CACNA1E: variants seen among roughly 807,000 people sequenced by gnomAD.
CACNA1E encodes the protein calcium voltage-gated channel subunit alpha1 E.
CACNA1E carries 40 observed loss-of-function variants against 259.2 expected under a neutral mutation model. The observed-to-expected ratio is 0.15, with a 90% confidence interval of 0.12 to 0.20. The LOEUF (loss-of-function observed/expected upper bound fraction) is 0.20, where lower values mean the gene tolerates loss of function less well. Among genes scored for constraint, CACNA1E ranks in the 10% least tolerant of loss-of-function variants. CACNA1E has a pLI of 1.00. For missense variants in CACNA1E, 1,874 were observed against 3,040.1 expected, an observed-to-expected ratio of 0.62 and a Z score of 9.02; for synonymous variants, 1,104 against 1,138.5, an observed-to-expected ratio of 0.97 and a Z score of 0.61.
intron 21 of CACNA1E, among the ~76,000 whole-genome samples, chr1:181,734,396 C>T (rs1258464096): frequency 6.6e-6 from 1 of 152,018 alleles, no homozygotes; most frequent in Non-Finnish European, 1.5e-5. Context: ...AGCACTTCCC[C>T]ACCCCTGCCC....
intron 3 of CACNA1E, among the ~76,000 whole-genome samples, chr1:181,573,209 C>T (rs1290008095): frequency 6.6e-6 from 1 of 152,204 alleles, no homozygotes; most frequent in East Asian, 1.9e-4. Context: ...AAAATGCTAA[C>T]TGACAGCAAG....
chr1:181,789,883 T>C (rs1162723367), intron 43 of CACNA1E, among the ~76,000 whole-genome samples: 2 of 152,330 alleles, frequency 1.3e-5, no homozygotes, highest in Non-Finnish European at 2.9e-5. Context: ...GGTTTTCAAC[T>C]CCTCACCACC....
intron 12 of CACNA1E, among the ~76,000 whole-genome samples, chr1:181,718,489 G>A (rs1654113996): frequency 6.6e-6 from 1 of 152,056 alleles, no homozygotes; most frequent in African/African-American, 2.4e-5. Context: ...TATCTTGGGG[G>A]AAGCCTGAAA....
At chr1:181,721,593 T>C (rs1376827370) in intron 15 of CACNA1E, among the ~76,000 whole-genome samples, 165 bp from the exon 16 acceptor site, 1 of 152,086 alleles carries the variant, frequency 6.6e-6, no homozygotes, top group South Asian at 2.1e-4. Context: ...AAAAAAAGTT[T>C]AGGATTATTT....
chr1:181,501,029 A>ATCAAAACACAAATTCTCGTT (rs1158593376), intron 1 of CACNA1E, among the ~76,000 whole-genome samples: 2 of 152,216 alleles, frequency 1.3e-5, no homozygotes, highest in African/African-American at 4.8e-5. Context: ...TCAGAGTGTC[A>ATCAAAACACAAATTCTCGTT]TCAAAACACA....
At chr1:181,751,874 T>C in intron 26 of CACNA1E, 1 of 596,414 alleles carries the variant, frequency 1.7e-6, no homozygotes, top group African/African-American at 1.8e-5. Flanking sequence ...TGTGTGCCTG[T>C]ATGTTCCTCT....
intron 7 of CACNA1E, among the ~76,000 whole-genome samples, chr1:181,691,798 A>G (rs1387758580): frequency 6.6e-6 from 1 of 152,152 alleles, no homozygotes; most frequent in African/African-American, 2.4e-5. Flanking sequence ...TACTGAACAT[A>G]CTACTGGAAG....
intron 3 of CACNA1E, among the ~76,000 whole-genome samples, chr1:181,550,562 G>C (rs1199991266): frequency 6.6e-6 from 1 of 152,098 alleles, no homozygotes; most frequent in Non-Finnish European, 1.5e-5. Context: ...CAGGAGGGGT[G>C]GGGGCAGATT....
chr1:181,529,831 A>G (rs641277), intron 3 of CACNA1E, among the ~76,000 whole-genome samples: 2,766 of 152,138 alleles, frequency 0.018, 79 homozygotes, highest in African/African-American at 0.061. Context: ...CTTGATTTTG[A>G]TTTTACAGGC....
intron 7 of CACNA1E, among the ~76,000 whole-genome samples, chr1:181,666,038 A>G (rs993552785): frequency 5.3e-5 from 8 of 152,062 alleles, no homozygotes; most frequent in African/African-American, 1.9e-4. Context: ...TAATCCTGGT[A>G]TCTTCTCCTC....
chr1:181,394,831 G>A (rs982756795), intron 1 of CACNA1E, among the ~76,000 whole-genome samples: 1 of 152,172 alleles, frequency 6.6e-6, no homozygotes, highest in Non-Finnish European at 1.5e-5. Flanking sequence ...GGCATGTTCC[G>A]AGAACAACAT....
At chr1:181,493,434 T>C (rs1031002400) in intron 1 of CACNA1E, among the ~76,000 whole-genome samples, 3 of 152,244 alleles carry the variant, frequency 2.0e-5, no homozygotes, top group Non-Finnish European at 4.4e-5. Context: ...GAAAGACGAC[T>C]GTCAAGCTGG....
intron 3 of CACNA1E, among the ~76,000 whole-genome samples, chr1:181,518,288 T>G (rs1401983058): frequency 6.6e-6 from 1 of 152,150 alleles, no homozygotes; most frequent in East Asian, 1.9e-4. Context: ...CCTGTAAGCC[T>G]TACCACTTTT....
intron 6 of CACNA1E, among the ~76,000 whole-genome samples, chr1:181,610,881 A>G (rs1434141839): frequency 6.6e-6 from 1 of 152,228 alleles, no homozygotes; most frequent in Non-Finnish European, 1.5e-5. Flanking sequence ...GCTAGGCACT[A>G]TGTAGAGGGC....
intron 6 of CACNA1E, among the ~76,000 whole-genome samples, chr1:181,641,841 G>A (rs1657810605): frequency 6.7e-6 from 1 of 150,360 alleles, no homozygotes; most frequent in African/African-American, 2.5e-5. Context: ...AGCCTCCTGA[G>A]TAGCTGGGAC....
intron 1 of CACNA1E, among the ~76,000 whole-genome samples, chr1:181,333,439 C>T (rs192502296): frequency 1.3e-5 from 2 of 152,340 alleles, no homozygotes; most frequent in East Asian, 3.9e-4. Context: ...GTCTCTGTCT[C>T]AACTACTCAG....
chr1:181,693,128 C>CAAAAAAAAAAAAAAAAAAAAAAAAAAAA (rs61662957), intron 7 of CACNA1E, among the ~76,000 whole-genome samples: 4 of 97,848 alleles, frequency 4.1e-5, no homozygotes, highest in Non-Finnish European at 4.0e-5. Context: ...CTATCTAAAG[C>CAAAAAAAAAAAAAAAAAAAAAAAAAAAA]AAAAAAAAAA....
chr1:181,741,480 G>C (rs1391698685), intron 25 of CACNA1E, among the ~76,000 whole-genome samples: 1 of 152,172 alleles, frequency 6.6e-6, no homozygotes, highest in East Asian at 1.9e-4. Flanking sequence ...AAATATAGGA[G>C]GAAGTACATA....
In CACNA1E at chr1:181,373,530, T is replaced by C. The variant is rs993976768; in HGVS notation, c.-14-39603T>C. Among the ~76,000 whole-genome samples, 3 of 142,106 alleles carry C rather than the reference T, an allele frequency of 2.1e-5. No individual in the cohort carries two copies. The East Asian group carries it at 6.1e-4, about 29-fold the overall frequency. 93.2% of individuals were successfully genotyped at this position (142,106 alleles called of 152,430 possible). On this transcript the variant is annotated intron_variant, in intron 1 of 11. Coordinates refer to the CACNA1E transcript ENST00000524607. The stretch of plus-strand genomic sequence containing the variant: ...TTATTTGGATGTTCTCTCTTTTTCT[T>C]TTCTTTCTTTTTTTTTTTTTTTTTT...
Sources: allele counts gnomAD v4.1 joint callset (sites outside exome capture counted in the v4.1 genomes callset), GRCh38; gene constraint gnomAD v4.1.1; transcripts MANE v1.5; gene names NCBI Gene and HGNC (gene_info 2026-07-23, HGNC 2026-07-21).